Variants in GALNT15 observed in about 807,000 individuals in gnomAD.
GALNT15 encodes the protein UDP-GalNAc transferase T15.
In GALNT15, 67 loss-of-function variants were observed where a neutral mutation model predicts 66.8. The ratio of observed to expected loss-of-function variants is 1.00; its 90% CI spans 0.82 to 1.23. The LOEUF (loss-of-function observed/expected upper bound fraction) is 1.23, where lower values mean the gene tolerates loss of function less well. Ranked by LOEUF, GALNT15 falls within the 50% of genes most tolerant of loss-of-function variation. The pLI, the probability that GALNT15 is intolerant of heterozygous loss-of-function variation, is 0.00. For missense variants in GALNT15, 827 were observed against 804.3 expected, an observed-to-expected ratio of 1.03 and a Z score of -0.34; for synonymous variants, 313 against 311.5, an observed-to-expected ratio of 1.00 and a Z score of -0.05.
intron 3 of GALNT15, among the ~76,000 whole-genome samples, chr3:16,202,688 A>C (rs941009954): frequency 2.0e-5 from 3 of 152,238 alleles, no homozygotes; most frequent in African/African-American, 7.2e-5. Flanking sequence ...ATTCTGTTTC[A>C]TGCAAAGGGC....
At chr3:16,223,004 G>A (rs1018995657) in intron 9 of GALNT15, among the ~76,000 whole-genome samples, 7 of 152,122 alleles carry the variant, frequency 4.6e-5, no homozygotes, top group Non-Finnish European at 1.0e-4. Flanking sequence ...GCTTGTCATT[G>A]CAGAGAGAGG....
At chr3:16,202,176 G>C (rs900573011) in intron 3 of GALNT15, among the ~76,000 whole-genome samples, 1 of 152,240 alleles carries the variant, frequency 6.6e-6, no homozygotes, top group Non-Finnish European at 1.5e-5. Flanking sequence ...ATTGTTAATA[G>C]TTCAGCATTC....
intron 3 of GALNT15, among the ~76,000 whole-genome samples, chr3:16,208,108 T>C (rs572482319): frequency 1.3e-5 from 2 of 152,276 alleles, no homozygotes; most frequent in East Asian, 1.9e-4. Context: ...TAATTCCTTA[T>C]GGAAAAACAT....
intron 6 of GALNT15, among the ~76,000 whole-genome samples, chr3:16,216,421 C>T (rs1291128550): frequency 2.0e-5 from 3 of 151,038 alleles, no homozygotes; most frequent in Non-Finnish European, 2.9e-5. Context: ...ATGGCTTGAG[C>T]TAGGGAGGTG....
chr3:16,215,916 A>AAACAAAAAAACAAAAAAAAAAAC (rs1019009823), intron 6 of GALNT15, among the ~76,000 whole-genome samples: 4 of 143,530 alleles, frequency 2.8e-5, no homozygotes, highest in South Asian at 5.0e-4. Context: ...CAAAAAAAAA[A>AAACAAAAAAACAAAAAAAAAAAC]AAAAAAAAAG....
rs557384381 is a variant in GALNT15 at position 16,201,348 on chromosome 3, A to AT, written c.911+531dup. Among the ~76,000 whole-genome samples, 7 of 151,856 alleles carry AT rather than the reference A, an allele frequency of 4.6e-5. 1 individual carries two copies. Among genetic ancestry groups the AT allele is most frequent in the African/African-American group, 1.7e-4 (7 of 41,436 alleles). On this transcript the variant is annotated intron_variant, in intron 3 of 9. Coordinates refer to ENST00000339732, the MANE Select transcript of GALNT15 (RefSeq NM_054110.5). ...AGGCGCCCGCCACCACACCCGGCTA[A>AT]TTTTTTGTATTTTTAGTAGAGAAGG...
At chr3:16,231,768 C>T (rs546001698), downstream of GALNT15, 2 of 1,505,866 alleles carry the variant, frequency 1.3e-6, no homozygotes. The surrounding 1 kb of genome is among the most constrained non-coding windows in gnomAD (Gnocchi z 4.1). Context: ...CTCTCTCTCT[C>T]CCTCCCTCTC....
At position 16,229,700 on chromosome 3, in the gene GALNT15, G is replaced by C. The variant is rs1575003848; in HGVS notation, c.*2200G>C. 1.0e-6 allele frequency: 1 copy of C among 978,420 alleles called. No homozygotes were observed. Among genetic ancestry groups the C allele is most frequent in the African/African-American group, 1.8e-5 (1 of 57,074 alleles). The allele number at this position is 978,420 out of a possible 1,614,324, so 60.6% of individuals were successfully genotyped here. On this transcript the variant is annotated 3_prime_UTR_variant, in exon 10 of 10. Coordinates refer to ENST00000339732, the MANE Select transcript of GALNT15 (RefSeq NM_054110.5). Reference sequence around the variant, plus strand: ...ATTGGCATTGTGGGTCTTTGAAGTTGCTGGGATAAATTAATATAATTAAAT... The same window carrying C: ...ATTGGCATTGTGGGTCTTTGAAGTTCCTGGGATAAATTAATATAATTAAAT...
chr3:16,197,304 C>T (rs1190812725), intron 2 of GALNT15, among the ~76,000 whole-genome samples: 2 of 152,216 alleles, frequency 1.3e-5, no homozygotes, highest in Admixed American at 6.5e-5. Flanking sequence ...AAGCTGCCCC[C>T]TCCTGGCCAA....
rs146177400 is a variant in GALNT15, at chr3:16,209,057, C to T, written c.1079+387C>T. ...CTCTCATCAGGTACAGTGTGAATTC[C>T]TCAGGTCTCGTCTTAGCAAATAGGA... On this transcript the variant is annotated intron_variant, in intron 4 of 9. Coordinates refer to ENST00000339732, the MANE Select transcript of GALNT15 (RefSeq NM_054110.5). This position sits in a 1 kb window ranked among gnomAD's most constrained non-coding sequence, Gnocchi z 4.1. Among the ~76,000 whole-genome samples, 2 of 152,270 alleles carry T rather than the reference C, an allele frequency of 1.3e-5. No individual in the cohort carries two copies. The highest frequency in any genetic ancestry group is 3.9e-4 in the East Asian group (2 of 5,180).
downstream of GALNT15, among the ~76,000 whole-genome samples, chr3:16,236,898 A>G (rs1478517514): frequency 1.3e-5 from 2 of 152,202 alleles, no homozygotes; most frequent in African/African-American, 4.8e-5. Flanking sequence ...GAACATGAAC[A>G]TGGAAGGGAG....
intron 3 of GALNT15, among the ~76,000 whole-genome samples, chr3:16,206,671 TAAAA>T (rs1170870767): frequency 4.2e-3 from 255 of 60,006 alleles, no homozygotes; most frequent in African/African-American, 0.014. Context: ...AGACTCTGTC[TAAAA>T]AAAAAAAAAA....
chr3:16,246,321 G>GTT, the GALNT15 span, among the ~76,000 whole-genome samples: 379 of 85,188 alleles, frequency 4.4e-3, 3 homozygotes, highest in East Asian at 6.2e-3. Flanking sequence ...TTTGAAAGTG[G>GTT]TTTTTTTTTT....
intron 6 of GALNT15, among the ~76,000 whole-genome samples, chr3:16,218,098 T>G (rs762054127): frequency 6.6e-6 from 1 of 152,222 alleles, no homozygotes; most frequent in Non-Finnish European, 1.5e-5. Context: ...GGAATCTACA[T>G]TTTTAACTAG....
At position 16,195,969 on chromosome 3, in the gene GALNT15, C is replaced by A. The variant is rs774457369; in HGVS notation, c.706+43C>A. The A allele has an allele frequency of 1.3e-6, 2 of 1,598,870 alleles. No homozygotes were observed. The highest frequency in any genetic ancestry group is 8.6e-7 in the Non-Finnish European group (1 of 1,169,342). On this transcript the variant is annotated intron_variant, in intron 2 of 9. Coordinates refer to ENST00000339732, the MANE Select transcript of GALNT15 (RefSeq NM_054110.5). This position sits in a 1 kb window ranked among gnomAD's most constrained non-coding sequence, Gnocchi z 4.6. ...CCAGGCTCGTCTGGGTGAGCCTTAC[C>A]CCCTGGCGGGTGGAGTTCTCAAGCA... is the stretch of plus-strand genomic sequence containing the variant.
intron 1 of GALNT15, among the ~76,000 whole-genome samples, chr3:16,177,948 G>C (rs911261389): frequency 6.6e-6 from 1 of 152,144 alleles, no homozygotes. Context: ...TGCTGTGCAC[G>C]TATTTGTGTG....
downstream of GALNT15, among the ~76,000 whole-genome samples, chr3:16,234,841 G>C (rs573361485): frequency 5.3e-5 from 8 of 151,586 alleles, no homozygotes; most frequent in Non-Finnish European, 1.2e-4. Flanking sequence ...AAACTGCAAG[G>C]CCACAGTATG....
chr3:16,228,368 C>T lies in GALNT15; in HGVS notation c.*868C>T, dbSNP rs560211556. On this transcript the variant is annotated 3_prime_UTR_variant, in exon 10 of 10. Coordinates refer to ENST00000339732, the MANE Select transcript of GALNT15 (RefSeq NM_054110.5). ...AGTTGAGAAACTCTCCTGCCGGGCG[C>T]GGTGGCTCATGCCTGTAATTCCAGC... The T allele has an allele frequency of 2.2e-5, 22 of 984,396 alleles. 1 individual carries two copies. In the African/African-American group the frequency reaches 2.4e-4, roughly 11 times the overall value. The allele number at this position is 984,396 out of a possible 1,614,324, so 61.0% of individuals were successfully genotyped here.
intron 9 of GALNT15, among the ~76,000 whole-genome samples, chr3:16,223,456 G>T (rs942023548): frequency 6.6e-6 from 1 of 152,114 alleles, no homozygotes; most frequent in Non-Finnish European, 1.5e-5. Flanking sequence ...AACATACAAA[G>T]AAATAAATAC....
Sources: allele counts gnomAD v4.1 joint callset (sites outside exome capture counted in the v4.1 genomes callset), GRCh38; gene constraint gnomAD v4.1.1; non-coding constraint Gnocchi (gnomAD v3.1); transcripts MANE v1.5; gene names NCBI Gene and HGNC (gene_info 2026-07-23, HGNC 2026-07-21).